Variants in MRTFB observed in about 807,000 individuals in gnomAD.
The protein encoded by MRTFB is myocardin related transcription factor B, also known as myocardin-related transcription factor B.
A neutral mutation model predicts 104.2 loss-of-function variants in MRTFB; 29 were observed. That is an observed-to-expected ratio of 0.28 (90% CI 0.21 to 0.38). The LOEUF is 0.38. Among genes scored for constraint, MRTFB ranks in the 10% least tolerant of loss-of-function variants. MRTFB has a pLI of 1.00. For synonymous variants in MRTFB, 535 were observed against 519.5 expected (o/e 1.03, Z -0.41); for missense variants, 1,270 against 1,341.6 (o/e 0.95, Z 0.83).
intron 4 of MRTFB, 55 bp downstream of exon 4, chr16:14,210,363 TC>T: frequency 7.3e-7 from 1 of 1,363,848 alleles, no homozygotes; most frequent in Non-Finnish European, 1.0e-6. Context: ...GACGGGCGTG[TC>T]CAAGAAGAGC....
At chr16:14,061,237 C>T in the MRTFB span, among the ~76,000 whole-genome samples, 7 of 152,192 alleles carry the variant, frequency 4.6e-5, no homozygotes, top group South Asian at 2.1e-4. Flanking sequence ...ACAGAGCCAG[C>T]GCCATCCTGG....
At chr16:14,096,702 A>G (rs1365328017) in intron 2 of MRTFB, among the ~76,000 whole-genome samples, 1 of 152,210 alleles carries the variant, frequency 6.6e-6, no homozygotes, top group Non-Finnish European at 1.5e-5. Flanking sequence ...AGAATTCTCT[A>G]AAATCGACAG....
chr16:14,221,360 C>A (rs1406125755), intron 8 of MRTFB, among the ~76,000 whole-genome samples: 1 of 152,174 alleles, frequency 6.6e-6, no homozygotes, highest in Non-Finnish European at 1.5e-5. Flanking sequence ...GGGAAAGGAC[C>A]TTGACACATT....
chr16:14,058,912 G>T, the MRTFB span, among the ~76,000 whole-genome samples: 1 of 151,674 alleles, frequency 6.6e-6, no homozygotes, highest in Non-Finnish European at 1.5e-5. Context: ...TAGAGACAGG[G>T]TTTTGCCATG....
chr16:14,045,049 C>G, the MRTFB span, among the ~76,000 whole-genome samples: 2 of 152,150 alleles, frequency 1.3e-5, no homozygotes, highest in Non-Finnish European at 2.9e-5. Flanking sequence ...GCCCCTGTCT[C>G]ATTTCTCGTC....
intron 3 of MRTFB, chr16:14,151,303 A>G (rs2038602941): frequency 6.6e-6 from 1 of 152,220 alleles, no homozygotes; most frequent in Non-Finnish European, 1.5e-5. Flanking sequence ...TATTTTATAC[A>G]TTCACAACAT....
At chr16:14,105,110 A>T (rs2035901087) in intron 2 of MRTFB, among the ~76,000 whole-genome samples, 1 of 152,204 alleles carries the variant, frequency 6.6e-6, no homozygotes, top group Non-Finnish European at 1.5e-5. Flanking sequence ...GAAGTCAGTA[A>T]ACTCTCAGAA....
intron 3 of MRTFB, among the ~76,000 whole-genome samples, chr16:14,206,133 T>C (rs1488717242): frequency 6.6e-6 from 1 of 152,184 alleles, no homozygotes; most frequent in African/African-American, 2.4e-5. Context: ...TCTCCAGGCT[T>C]AATCCATGAA....
intron 10 of MRTFB, 46 bp downstream of exon 10, chr16:14,240,530 T>G (rs1412340693): frequency 6.2e-7 from 1 of 1,614,006 alleles, no homozygotes; most frequent in Non-Finnish European, 8.5e-7. Context: ...TTTCTGTGGT[T>G]TTTTATGAGG....
chr16:14,081,704 C>G lies in MRTFB; in HGVS notation c.-64+2350C>G, dbSNP rs561074083. On this transcript the variant is annotated intron_variant, in intron 2 of 16. Coordinates refer to ENST00000571589, the MANE Select transcript of MRTFB (RefSeq NM_001308142.2). ...AAGTGATCCTCCCACTTCAGCCTCC[C>G]TAGTAGCTGGGACCACAGGCACATG... Among the ~76,000 whole-genome samples, 19 of 152,282 alleles carry G rather than the reference C, an allele frequency of 1.2e-4. No homozygotes were observed. The South Asian group carries it at 3.5e-3, about 28-fold the overall frequency.
chr16:14,073,829 T>G lies in MRTFB; in HGVS notation c.-129+2464T>G, dbSNP rs377394928. 7.9e-5 allele frequency among the ~76,000 whole-genome samples: 12 copies of G among 152,352 alleles called. No individual in the cohort carries two copies. In the East Asian group the frequency reaches 2.3e-3, roughly 29 times the overall value. On this transcript the variant is annotated intron_variant, in intron 1 of 16. Coordinates refer to ENST00000571589, the MANE Select transcript of MRTFB (RefSeq NM_001308142.2). ...ATGCAGATGTATTCAAAGGTAAAAC[T>G]TAAAATTACCTGTAATCACATATGC...
At chr16:13,997,791 T>TAAAAA in the MRTFB span, among the ~76,000 whole-genome samples, 1 of 31,766 alleles carries the variant, frequency 3.1e-5, no homozygotes, top group Non-Finnish European at 6.2e-5. Context: ...AGACCCTATC[T>TAAAAA]CAAAAAAAAA....
At chr16:14,161,400 G>T (rs2039032684) in intron 3 of MRTFB, among the ~76,000 whole-genome samples, 2 of 152,024 alleles carry the variant, frequency 1.3e-5, no homozygotes, top group Admixed American at 1.3e-4. Flanking sequence ...TTAAATAAAT[G>T]GTTCTAGATT....
Position 14,265,600 on chromosome 16 carries a change from C to T in MRTFB, c.*4156C>T, listed in dbSNP as rs541565633. ...TTTATTTGTAAAGTGACTCTGTCTG[C>T]ATGGCAATGAGCAGGTGCGTGTTTT... On this transcript the variant is annotated 3_prime_UTR_variant, in exon 17 of 17. Coordinates refer to ENST00000571589, the MANE Select transcript of MRTFB (RefSeq NM_001308142.2). 1 of 152,336 alleles carries T rather than the reference C, an allele frequency of 6.6e-6. No homozygotes were observed. Among genetic ancestry groups the T allele is most frequent in the Non-Finnish European group, 1.5e-5 (1 of 68,032 alleles). 9.4% of individuals were successfully genotyped at this position (152,336 alleles called of 1,614,324 possible). A position where few individuals can be genotyped will look rare whatever the true frequency, so the allele number is the denominator to read the frequency against.
intron 2 of MRTFB, among the ~76,000 whole-genome samples, chr16:14,082,974 CT>C (rs1241637173): frequency 3.3e-5 from 5 of 152,006 alleles, no homozygotes; most frequent in South Asian, 2.1e-4. Context: ...TAAAAGCATT[CT>C]TTTGATCCGT....
chr16:14,053,528 C>T, the MRTFB span, among the ~76,000 whole-genome samples: 5 of 152,012 alleles, frequency 3.3e-5, no homozygotes, highest in East Asian at 1.9e-4. Context: ...GTCAGGAGTT[C>T]GAGACCAGTC....
At position 14,264,566 on chromosome 16, in the gene MRTFB, A is replaced by G. The variant is rs1194206431; in HGVS notation, c.*3122A>G. ...TGAATTTGTGGAATTTCTTGCTTAGATACTATTGTGTTTGTTTCATATGAA... is the reference window on the plus strand; with the variant it reads ...TGAATTTGTGGAATTTCTTGCTTAGGTACTATTGTGTTTGTTTCATATGAA... On this transcript the variant is annotated 3_prime_UTR_variant, in exon 17 of 17. Coordinates refer to ENST00000571589, the MANE Select transcript of MRTFB (RefSeq NM_001308142.2). 6.6e-6 allele frequency: 1 copy of G among 152,208 alleles called. No individual in the cohort carries two copies. The highest frequency in any genetic ancestry group is 6.5e-5 in the Admixed American group (1 of 15,280). The allele number at this position is 152,208 out of a possible 1,614,324, so 9.4% of individuals were successfully genotyped here. A position where few individuals can be genotyped will look rare whatever the true frequency, so the allele number is the denominator to read the frequency against.
chr16:14,221,405 G>A (rs2041696990), intron 8 of MRTFB, among the ~76,000 whole-genome samples: 5 of 152,110 alleles, frequency 3.3e-5, no homozygotes, highest in Admixed American at 3.3e-4. Flanking sequence ...TAGAGGACAG[G>A]GATTTATCTT....
chr16:14,070,437 T>C (rs989098506), upstream of MRTFB, among the ~76,000 whole-genome samples: 3 of 152,238 alleles, frequency 2.0e-5, no homozygotes, highest in Non-Finnish European at 4.4e-5. Flanking sequence ...ATGTACATTC[T>C]GATTCTCTGT....
Sources: allele counts gnomAD v4.1 joint callset (sites outside exome capture counted in the v4.1 genomes callset), GRCh38; gene constraint gnomAD v4.1.1; transcripts MANE v1.5; gene names NCBI Gene and HGNC (gene_info 2026-07-23, HGNC 2026-07-21).